The following PRLR variants were observed in gnomAD, a reference collection of about 807,000 sequenced individuals.
The protein encoded by PRLR is prolactin receptor.
A neutral mutation model predicts 40.2 loss-of-function variants in PRLR; 13 were observed. The ratio of observed to expected loss-of-function variants is 0.32; its 90% CI spans 0.21 to 0.51. The LOEUF (loss-of-function observed/expected upper bound fraction) is 0.51. PRLR is among the 20% of genes least tolerant of loss of function. The pLI, the probability that PRLR is intolerant of heterozygous loss-of-function variation, is 0.97. For missense variants in PRLR, 656 were observed against 747.3 expected (o/e 0.88, Z 1.42); for synonymous variants, 269 against 278.7 (o/e 0.97, Z 0.35).
intron 6 of PRLR, 103 bp from the exon 7 acceptor site, chr5:35,070,368 C>G (rs1769671996): frequency 8.0e-6 from 10 of 1,251,606 alleles, no homozygotes; most frequent in African/African-American, 1.5e-5. Flanking sequence ...CAATCATATA[C>G]AGAGAATTCC....
At chr5:35,076,403 A>C (rs762889542) in intron 5 of PRLR, among the ~76,000 whole-genome samples, 15 of 152,356 alleles carry the variant, frequency 9.8e-5, no homozygotes, top group Middle Eastern at 6.8e-3. Flanking sequence ...TGCATGCACA[A>C]GCATCAGTAG....
chr5:35,210,286 G>A (rs1045669455), intron 1 of PRLR, among the ~76,000 whole-genome samples: 1 of 152,210 alleles, frequency 6.6e-6, no homozygotes, highest in Non-Finnish European at 1.5e-5. Flanking sequence ...TAGAAGCTCT[G>A]TGTAGGCAGA....
intron 2 of PRLR, among the ~76,000 whole-genome samples, chr5:35,106,491 G>A (rs1772260056): frequency 6.6e-6 from 1 of 152,176 alleles, no homozygotes; most frequent in Non-Finnish European, 1.5e-5. Context: ...CACTTCTCAT[G>A]CAGAGACACA....
intron 2 of PRLR, among the ~76,000 whole-genome samples, chr5:35,105,845 G>T (rs1487925211): frequency 6.6e-6 from 1 of 152,164 alleles, no homozygotes; most frequent in Non-Finnish European, 1.5e-5. Flanking sequence ...AGCAAGGCAG[G>T]CCAACATTCA....
At position 35,059,486 on chromosome 5, in the gene PRLR, G is replaced by T. The variant is rs979053200; in HGVS notation, c.*5603C>A. 6.6e-6 allele frequency: 1 copy of T among 152,100 alleles called. No homozygotes were observed. The highest frequency in any genetic ancestry group is 2.1e-4 in the South Asian group (1 of 4,810). The allele number at this position is 152,100 out of a possible 1,614,324, so 9.4% of individuals were successfully genotyped here. ...GACATAAACTCATAAAATCTGTTCA[G>T]AACACTGAACAGATTTAGATTTACC... On this transcript the variant is annotated 3_prime_UTR_variant, in exon 10 of 10. Transcript: ENST00000618457.
chr5:35,107,517 A>T (rs910082402), intron 2 of PRLR, among the ~76,000 whole-genome samples: 2 of 152,230 alleles, frequency 1.3e-5, no homozygotes, highest in African/African-American at 4.8e-5. Flanking sequence ...AAAATCAAAT[A>T]GATGCAATAA....
intron 2 of PRLR, among the ~76,000 whole-genome samples, chr5:35,096,985 A>G (rs556528784): frequency 6.6e-6 from 1 of 152,302 alleles, no homozygotes; most frequent in South Asian, 2.1e-4. Flanking sequence ...AATTGAGCCC[A>G]CTTGGAAGGA....
intron 1 of PRLR, among the ~76,000 whole-genome samples, chr5:35,196,001 A>T: frequency 9.5e-6 from 1 of 104,922 alleles, no homozygotes; most frequent in East Asian, 2.2e-4. Flanking sequence ...CAGGCAAAGC[A>T]GTCCATCAAC....
chr5:35,123,325 A>G (rs1312214031), intron 1 of PRLR, among the ~76,000 whole-genome samples: 1 of 152,204 alleles, frequency 6.6e-6, no homozygotes, highest in Admixed American at 6.5e-5. Flanking sequence ...TTAATGCTTT[A>G]TTTCATTTAA....
chr5:35,105,984 G>A (rs1010229489), intron 2 of PRLR, among the ~76,000 whole-genome samples: 86 of 152,308 alleles, frequency 5.6e-4, no homozygotes, highest in Non-Finnish European at 9.6e-4. Context: ...GAGAAAGGTT[G>A]GGTTACCCAC....
At chr5:35,127,886 T>A (rs1773523680) in intron 1 of PRLR, among the ~76,000 whole-genome samples, 1 of 152,138 alleles carries the variant, frequency 6.6e-6, no homozygotes, top group Admixed American at 6.5e-5. Flanking sequence ...ATTGCTGTCA[T>A]GTACTTCTTG....
At chr5:35,171,974 T>A (rs770466136) in intron 1 of PRLR, among the ~76,000 whole-genome samples, 3 of 152,234 alleles carry the variant, frequency 2.0e-5, no homozygotes, top group Non-Finnish European at 4.4e-5. Context: ...TTATTTATTT[T>A]TTGCCCAGTC....
At chr5:35,128,956 A>G (rs923482509) in intron 1 of PRLR, among the ~76,000 whole-genome samples, 2 of 152,144 alleles carry the variant, frequency 1.3e-5, no homozygotes, top group Middle Eastern at 3.4e-3. Flanking sequence ...TTTTCCTTTC[A>G]ACCCTTACTG....
At position 35,075,347 on chromosome 5, in the gene PRLR, C is replaced by A. The variant is rs780524808; in HGVS notation, c.374-2603G>T. ...TTGGGACACTACCACTGTAATACTG[C>A]GCTTTTCCAACAGTCTTAGCAAATG... On this transcript the variant is annotated intron_variant, in intron 5 of 9. Coordinates refer to ENST00000618457, the MANE Select transcript of PRLR (RefSeq NM_000949.7). Among the ~76,000 whole-genome samples the A allele has an allele frequency of 3.3e-5, 5 of 152,334 alleles. 1 individual carries two copies. The East Asian group carries it at 9.6e-4, about 29-fold the overall frequency.
At chr5:35,173,808 T>TG (rs1775065528) in intron 1 of PRLR, among the ~76,000 whole-genome samples, 2 of 152,196 alleles carry the variant, frequency 1.3e-5, no homozygotes, top group African/African-American at 2.4e-5. Context: ...GTAGTTTTTT[T>TG]TTGTTGTTGT....
At chr5:35,054,693 T>A (rs1768634340), downstream of PRLR, among the ~76,000 whole-genome samples, 1 of 152,184 alleles carries the variant, frequency 6.6e-6, no homozygotes, top group Admixed American at 6.5e-5. Flanking sequence ...ATTGTATAGA[T>A]GTATAAAACT....
chr5:35,090,300 T>C (rs1292363620), intron 2 of PRLR, among the ~76,000 whole-genome samples: 2 of 152,178 alleles, frequency 1.3e-5, no homozygotes, highest in African/African-American at 4.8e-5. Context: ...CTGGTAATAA[T>C]TTAAATTCCT....
At chr5:35,178,716 C>T (rs1445899542) in intron 1 of PRLR, among the ~76,000 whole-genome samples, 4 of 152,076 alleles carry the variant, frequency 2.6e-5, no homozygotes, top group Admixed American at 1.3e-4. Context: ...TTTAACAATG[C>T]ACCAAACCTT....
At chr5:35,140,508 C>G (rs1773989416) in intron 1 of PRLR, among the ~76,000 whole-genome samples, 1 of 152,192 alleles carries the variant, frequency 6.6e-6, no homozygotes, top group Non-Finnish European at 1.5e-5. Context: ...TGTCTCATCC[C>G]TGGATTACAA....
Sources: gnomAD v4.1 joint callset for allele counts (sites outside exome capture counted in the v4.1 genomes callset) on GRCh38, gnomAD v4.1.1 for gene constraint, MANE v1.5 for transcripts, NCBI Gene and HGNC (gene_info 2026-07-23, HGNC 2026-07-21) for gene names.